CRISPLD2: variants seen among roughly 807,000 people sequenced by gnomAD.
CRISPLD2 encodes cysteine-rich secretory protein LCCL domain-containing 2.
Under a neutral mutation model 71.1 loss-of-function variants are expected in CRISPLD2, and 47 were observed. The observed-to-expected ratio is 0.66, with a 90% CI of 0.52 to 0.84. CRISPLD2 has a LOEUF of 0.84. Among genes scored for constraint, CRISPLD2 ranks in the 40% least tolerant of loss-of-function variants. CRISPLD2 has a pLI of 0.00. For missense variants in CRISPLD2, 830 were observed against 651.1 expected (o/e 1.27, Z -2.99); for synonymous variants, 317 against 250.1 (o/e 1.27, Z -2.52).
chr16:84,870,429 C>G (rs993936958), intron 8 of CRISPLD2, among the ~76,000 whole-genome samples: 3 of 151,936 alleles, frequency 2.0e-5, no homozygotes, highest in Non-Finnish European at 4.4e-5. Context: ...AAGTGATTCT[C>G]CCACCTCAGC....
chr16:84,866,687 G>GA (rs1057443368), intron 6 of CRISPLD2, among the ~76,000 whole-genome samples: 2 of 152,188 alleles, frequency 1.3e-5, no homozygotes, highest in African/African-American at 4.8e-5. Context: ...CAAACACAGT[G>GA]AGCGGAGAGC....
chr16:84,874,077 G>C, intron 11 of CRISPLD2, 114 bp downstream of exon 11: 1 of 911,992 alleles, frequency 1.1e-6, no homozygotes, highest in Non-Finnish European at 1.7e-6. Context: ...TGAACATTAT[G>C]GTTCTCATCA....
chr16:84,900,351 C>T (rs547740635), intron 14 of CRISPLD2, among the ~76,000 whole-genome samples: 39 of 152,272 alleles, frequency 2.6e-4, no homozygotes, highest in South Asian at 6.2e-4. Context: ...CTGGCAGTTT[C>T]CAATCTGGGG....
chr16:84,867,065 C>G (rs759167059), intron 7 of CRISPLD2, 25 bp downstream of exon 7: 4 of 1,605,220 alleles, frequency 2.5e-6, no homozygotes, highest in African/African-American at 1.3e-5. Flanking sequence ...TCCTCCGCCC[C>G]TCCTGCCCTC....
intron 6 of CRISPLD2, among the ~76,000 whole-genome samples, chr16:84,859,061 G>T (rs543870084): frequency 6.6e-6 from 1 of 152,226 alleles, no homozygotes; most frequent in Admixed American, 6.5e-5. Context: ...TCCCTCCAGG[G>T]ATGCGATATT....
In CRISPLD2 at chr16:84,889,364, G is replaced by T. The variant is rs1463713306; in HGVS notation, c.1439+1G>T. 1 of 1,608,640 alleles carries T rather than the reference G, an allele frequency of 6.2e-7. No individual in the cohort carries two copies. The highest frequency in any genetic ancestry group is 1.1e-5 in the South Asian group (1 of 90,420). Reference sequence around the variant, plus strand: ...TCAGGAATGGAGTTCAGTCTGAAAGGTAGGGTGGTGTTCTCCAACCCTTGA... The same window carrying T: ...TCAGGAATGGAGTTCAGTCTGAAAGTTAGGGTGGTGTTCTCCAACCCTTGA... On this transcript the variant is annotated splice_donor_variant, in intron 14 of 14. Coordinates refer to ENST00000262424, the MANE Select transcript of CRISPLD2 (RefSeq NM_031476.4). LOFTEE classifies it high-confidence loss of function.
At chr16:84,830,774 T>A (rs1277135112) in intron 1 of CRISPLD2, among the ~76,000 whole-genome samples, 1 of 152,162 alleles carries the variant, frequency 6.6e-6, no homozygotes, top group African/African-American at 2.4e-5. Flanking sequence ...ACTTTTGACT[T>A]TTTTCCTGCA....
chr16:84,825,475 G>T (rs557673311), intron 1 of CRISPLD2, among the ~76,000 whole-genome samples: 1 of 152,294 alleles, frequency 6.6e-6, no homozygotes, highest in East Asian at 1.9e-4. Flanking sequence ...AGGAAGAAAG[G>T]CCCAGCGCAG....
chr16:84,867,059 C>T lies in CRISPLD2; in HGVS notation c.853+19C>T. The T allele has an allele frequency of 6.2e-7, 1 of 1,607,718 alleles. No homozygotes were observed. The highest frequency in any genetic ancestry group is 8.5e-7 in the Non-Finnish European group (1 of 1,174,708). ...TACATGAGTGAGTCTAGGCCGTCCTCCGCCCCTCCTGCCCTCCCAGCCACC... is the reference window on the plus strand; with the variant it reads ...TACATGAGTGAGTCTAGGCCGTCCTTCGCCCCTCCTGCCCTCCCAGCCACC... On this transcript the variant is annotated intron_variant, in intron 7 of 14. Transcript: ENST00000262424.
At chr16:84,829,736 T>C (rs966889191) in intron 1 of CRISPLD2, among the ~76,000 whole-genome samples, 1 of 152,220 alleles carries the variant, frequency 6.6e-6, no homozygotes, top group African/African-American at 2.4e-5. Flanking sequence ...CCTCAGGCCT[T>C]ATGTGTGACC....
chr16:84,899,765 G>T (rs2071737282), intron 14 of CRISPLD2, among the ~76,000 whole-genome samples: 1 of 152,186 alleles, frequency 6.6e-6, no homozygotes, highest in Non-Finnish European at 1.5e-5. Flanking sequence ...GTCTACATCT[G>T]GACGGCAGCC....
rs949197389 is a variant in CRISPLD2, at chr16:84,845,994, G to C, written c.359+90G>C. 1.5e-5 allele frequency: 12 copies of C among 792,076 alleles called. No individual in the cohort carries two copies. In the African/African-American group the frequency reaches 1.9e-4, roughly 13 times the overall value. 49.1% of individuals were successfully genotyped at this position (792,076 alleles called of 1,614,324 possible). On this transcript the variant is annotated intron_variant, in intron 3 of 14. Transcript: ENST00000262424. ...TTGTGCCCCTTATCAAGTTTAGCCTGCAAAGAGAGTGAGAGAGACCACCCG... is the reference window on the plus strand; with the variant it reads ...TTGTGCCCCTTATCAAGTTTAGCCTCCAAAGAGAGTGAGAGAGACCACCCG...
At chr16:84,844,907 G>T (rs1321838523) in intron 2 of CRISPLD2, among the ~76,000 whole-genome samples, 2 of 152,160 alleles carry the variant, frequency 1.3e-5, no homozygotes, top group Non-Finnish European at 2.9e-5. Flanking sequence ...GAGGGCCATG[G>T]ACATACCCAC....
At chr16:84,893,353 T>C (rs2071679082) in intron 14 of CRISPLD2, among the ~76,000 whole-genome samples, 1 of 152,194 alleles carries the variant, frequency 6.6e-6, no homozygotes, top group South Asian at 2.1e-4. Context: ...TCTTTTCTCA[T>C]AGGGTCAGGT....
At chr16:84,886,878 A>C (rs2071618097) in intron 13 of CRISPLD2, among the ~76,000 whole-genome samples, 1 of 152,228 alleles carries the variant, frequency 6.6e-6, no homozygotes, top group Non-Finnish European at 1.5e-5. Context: ...ACAGCTTATT[A>C]GCATTAAGCA....
In CRISPLD2 at chr16:84,906,578, T is replaced by G. The variant is rs759930605; in HGVS notation, c.1440-10T>G. On this transcript the variant is annotated splice_polypyrimidine_tract_variant and intron_variant, in intron 14 of 14. Transcript: ENST00000262424. ...TCTCAGTAACGGGCCCTCTTTCTTCTTTTTTTCAGCCTGGGGACTCCTCGG... is the reference window on the plus strand; with the variant it reads ...TCTCAGTAACGGGCCCTCTTTCTTCGTTTTTTCAGCCTGGGGACTCCTCGG... 5.6e-6 allele frequency: 9 copies of G among 1,611,968 alleles called. No homozygotes were observed. The highest frequency in any genetic ancestry group is 7.6e-6 in the Non-Finnish European group (9 of 1,179,704).
chr16:84,825,540 G>C (rs1465256236), intron 1 of CRISPLD2, among the ~76,000 whole-genome samples: 6 of 152,216 alleles, frequency 3.9e-5, no homozygotes, highest in African/African-American at 1.4e-4. Flanking sequence ...CAGATCACTT[G>C]AGGTCAGGAG....
intron 8 of CRISPLD2, among the ~76,000 whole-genome samples, chr16:84,869,876 G>A (rs1165561161): frequency 6.6e-6 from 1 of 152,246 alleles, no homozygotes; most frequent in Non-Finnish European, 1.5e-5. Flanking sequence ...GGAAAAAGGT[G>A]AGCACGTATT....
At chr16:84,843,826 T>C (rs1916839580) in intron 2 of CRISPLD2, among the ~76,000 whole-genome samples, 1 of 152,200 alleles carries the variant, frequency 6.6e-6, no homozygotes, top group South Asian at 2.1e-4. Context: ...GACTTCCTGG[T>C]TGTGTGACCT....
Sources: gnomAD v4.1 joint callset for allele counts (sites outside exome capture counted in the v4.1 genomes callset) on GRCh38, gnomAD v4.1.1 for gene constraint, MANE v1.5 for transcripts, NCBI Gene and HGNC (gene_info 2026-07-23, HGNC 2026-07-21) for gene names.